The following PCDHA4 variants were observed in gnomAD, a reference collection of about 807,000 sequenced individuals.
The protein encoded by PCDHA4 is protocadherin alpha-4.
A neutral mutation model predicts 61.4 loss-of-function variants in PCDHA4; 49 were observed. The ratio of observed to expected loss-of-function variants is 0.80; its 90% CI spans 0.63 to 1.01. PCDHA4 has a LOEUF of 1.01. PCDHA4 is among the 50% of genes least tolerant of loss of function. PCDHA4 has a pLI of 0.00. For synonymous variants in PCDHA4, 590 were observed against 550.3 expected (o/e 1.07, Z -1.01); for missense variants, 1,254 against 1,235.8 (o/e 1.01, Z -0.22).
intron 1 of PCDHA4, chr5:140,927,680 G>T: frequency 6.2e-7 from 1 of 1,614,140 alleles, no homozygotes; most frequent in Non-Finnish European, 8.5e-7. Context: ...CCAGATGAAG[G>T]GTCCAATGGG....
At chr5:140,876,583 CT>C in intron 1 of PCDHA4, 1 of 1,614,194 alleles carries the variant, frequency 6.2e-7, no homozygotes, top group Non-Finnish European at 8.5e-7. Context: ...CGTCATTGCC[CT>C]GATTAGCGTG....
chr5:141,007,915 A>G (rs561873534), intron 3 of PCDHA4, among the ~76,000 whole-genome samples: 5 of 152,308 alleles, frequency 3.3e-5, no homozygotes, highest in South Asian at 2.1e-4. Flanking sequence ...TGAAGATGCT[A>G]TATAAGCTGG....
chr5:140,917,633 A>T (rs537704186), intron 1 of PCDHA4, among the ~76,000 whole-genome samples: 1 of 152,268 alleles, frequency 6.6e-6, no homozygotes, highest in East Asian at 1.9e-4. Context: ...ATGGTTAGCT[A>T]GTTATCCCAG....
At chr5:140,928,669 A>C in intron 1 of PCDHA4, 1 of 1,614,160 alleles carries the variant, frequency 6.2e-7, no homozygotes, top group Non-Finnish European at 8.5e-7. Flanking sequence ...CAGTGGTTCT[A>C]ATGCCTGGCT....
chr5:140,849,369 A>T, intron 1 of PCDHA4: 1 of 1,490,294 alleles, frequency 6.7e-7, no homozygotes, highest in Non-Finnish European at 9.2e-7. Flanking sequence ...TATAAAATCC[A>T]AGTTCCACAT....
At chr5:140,820,227 A>T (rs1766717678) in intron 1 of PCDHA4, among the ~76,000 whole-genome samples, 1 of 152,006 alleles carries the variant, frequency 6.6e-6, no homozygotes, top group Admixed American at 6.5e-5. Context: ...AAAAGTCATG[A>T]TAATAGAGAT....
chr5:140,866,951 G>A (rs1207354253), intron 1 of PCDHA4: 1 of 152,106 alleles, frequency 6.6e-6, no homozygotes, highest in African/African-American at 2.4e-5. Context: ...CTAGGGGCTG[G>A]TTGAGATGGT....
chr5:140,823,591 C>T (rs1767789904), intron 1 of PCDHA4: 3 of 1,613,886 alleles, frequency 1.9e-6, no homozygotes, highest in Admixed American at 1.7e-5. Flanking sequence ...CAACGCTTGG[C>T]TTTCGTATGA....
chr5:140,881,757 A>G (rs1238055344), intron 1 of PCDHA4, among the ~76,000 whole-genome samples: 1 of 152,166 alleles, frequency 6.6e-6, no homozygotes, highest in Non-Finnish European at 1.5e-5. Flanking sequence ...TACCACAAAA[A>G]CCTACATGAC....
chr5:140,885,642 A>G (rs2060672494), intron 1 of PCDHA4, among the ~76,000 whole-genome samples: 1 of 152,170 alleles, frequency 6.6e-6, no homozygotes, highest in Non-Finnish European at 1.5e-5. Flanking sequence ...CCTTCCAAGT[A>G]TTTTGGAACC....
intron 1 of PCDHA4, among the ~76,000 whole-genome samples, chr5:140,819,828 T>C (rs1766632224): frequency 1.3e-5 from 2 of 152,058 alleles, no homozygotes; most frequent in South Asian, 2.1e-4. Flanking sequence ...GAACTGATAT[T>C]GTTGATGACT....
chr5:140,931,966 A>G (rs1554208694), intron 1 of PCDHA4, among the ~76,000 whole-genome samples: 1 of 151,950 alleles, frequency 6.6e-6, no homozygotes, highest in African/African-American at 2.4e-5. Context: ...ATGTTGATGC[A>G]TATGTGTTTA....
chr5:140,923,456 G>T (rs1554201450), intron 1 of PCDHA4, among the ~76,000 whole-genome samples: 3 of 152,134 alleles, frequency 2.0e-5, no homozygotes, highest in African/African-American at 7.2e-5. Flanking sequence ...TGAGCCCAGA[G>T]AGGTAGGGGC....
At position 140,808,879 on chromosome 5, in the gene PCDHA4, A is replaced by T. The variant is rs782200708; in HGVS notation, c.1692A>T (p.Ala564=). 2 of 1,613,212 alleles carry T rather than the reference A, an allele frequency of 1.2e-6. No individual in the cohort carries two copies. The highest frequency in any genetic ancestry group is 1.7e-6 in the Non-Finnish European group (2 of 1,179,902). Residue 564 remains alanine, a synonymous_variant, in exon 1 of 4, where the codon GCA becomes GCT. Coordinates refer to ENST00000530339, the MANE Select transcript of PCDHA4 (RefSeq NM_018907.4). Reference sequence around the variant, plus strand: ...TGGACGAAAACGACAACGCGCCAGCACTGCTAGCGCCTCGGGCGGGTGGCA... The same window carrying T: ...TGGACGAAAACGACAACGCGCCAGCTCTGCTAGCGCCTCGGGCGGGTGGCA... ...FVLDENDNAP[A]LLAPRAGGTG...
At chr5:140,869,497 G>T (rs2051177889) in intron 1 of PCDHA4, 2 of 1,614,084 alleles carry the variant, frequency 1.2e-6, no homozygotes. Flanking sequence ...CAACCCGCCG[G>T]TGTTCTCGCT....
Position 140,807,859 on chromosome 5 carries a change from C to T in PCDHA4, c.672C>T (p.Gly224=). The T allele has an allele frequency of 6.2e-7, 1 of 1,614,158 alleles. No homozygotes were observed. The highest frequency in any genetic ancestry group is 8.5e-7 in the Non-Finnish European group (1 of 1,180,006). Reference sequence around the variant, plus strand: ...ATGGAGGCAAACCCGAGTTGACTGGCACCGTTCAGTTACTCATCACAGTAC... The same window carrying T: ...ATGGAGGCAAACCCGAGTTGACTGGTACCGTTCAGTTACTCATCACAGTAC... ...ATDGGKPELT[G]TVQLLITVLD... is the part of the protein sequence containing the mutation. The change falls in exon 1 of 4, where the codon GGC becomes GGT. Residue 224 remains glycine (G), a synonymous_variant. Coordinates refer to ENST00000530339, the MANE Select transcript of PCDHA4 (RefSeq NM_018907.4).
At chr5:140,962,438 GATGGCTTGAATCTCTT>G (rs1298191516) in intron 1 of PCDHA4, among the ~76,000 whole-genome samples, 11 of 152,108 alleles carry the variant, frequency 7.2e-5, no homozygotes, top group East Asian at 5.8e-4. Flanking sequence ...CTTATCCAAA[GATGGCTTGAATCTCTT>G]ATGGCTTGAA....
At chr5:140,834,968 A>G in intron 1 of PCDHA4, 1 of 1,508,962 alleles carries the variant, frequency 6.6e-7, no homozygotes, top group Non-Finnish European at 9.0e-7. Flanking sequence ...TTGGACTTGT[A>G]TTACGGAAAC....
intron 1 of PCDHA4, among the ~76,000 whole-genome samples, chr5:140,893,478 C>T (rs1365540423): frequency 2.6e-5 from 4 of 151,996 alleles, no homozygotes; most frequent in African/African-American, 9.7e-5. Flanking sequence ...CATAGCAAGA[C>T]CCTGTTCTTC....
Sources: gnomAD v4.1 joint callset for allele counts (sites outside exome capture counted in the v4.1 genomes callset) on GRCh38, gnomAD v4.1.1 for gene constraint, MANE v1.5 for transcripts, NCBI Gene and HGNC (gene_info 2026-07-23, HGNC 2026-07-21) for gene names.